ZMYND8: variants seen among roughly 807,000 people sequenced by gnomAD.
ZMYND8 encodes the protein zinc finger MYND-type containing 8.
Under a neutral mutation model 140.8 loss-of-function variants are expected in ZMYND8, and 37 were observed. The observed-to-expected ratio is 0.26, with a 90% confidence interval of 0.20 to 0.35. The LOEUF is 0.35. Ranked by LOEUF, ZMYND8 falls within the 10% of genes least tolerant of loss-of-function variation. ZMYND8 has a pLI of 1.00. For missense variants in ZMYND8, 1,068 were observed against 1,570.0 expected (o/e 0.68, Z 5.40); for synonymous variants, 592 against 597.1 (o/e 0.99, Z 0.12).
chr20:47,265,535 G>A lies in ZMYND8; in HGVS notation c.1481-3107C>T, dbSNP rs557933417. ...AGCTCACTGCAACCTCTGCCTGCCA[G>A]GTTCAAGCAATTCTCCTGCCTCAGT... On this transcript the variant is annotated intron_variant, in intron 11 of 22. Transcript: ENST00000471951. Among the ~76,000 whole-genome samples, 25 of 152,324 alleles carry A rather than the reference G, an allele frequency of 1.6e-4. No homozygotes were observed. In the East Asian group the frequency reaches 4.8e-3, roughly 29 times the overall value.
At chr20:47,290,329 A>G in intron 6 of ZMYND8, 55 bp from the exon 7 acceptor site, 3 of 1,509,548 alleles carry the variant, frequency 2.0e-6, no homozygotes, top group East Asian at 2.3e-5. Flanking sequence ...AGCCACAGTC[A>G]GTGACTCTTG....
chr20:47,316,301 A>T (rs1427350402), intron 2 of ZMYND8, among the ~76,000 whole-genome samples: 2 of 150,990 alleles, frequency 1.3e-5, no homozygotes, highest in Admixed American at 6.6e-5. Context: ...ATTGTACTCC[A>T]GCCTGGGCAA....
intron 12 of ZMYND8, among the ~76,000 whole-genome samples, chr20:47,255,742 A>G (rs975528676): frequency 0.23 from 12,772 of 55,692 alleles, 1,350 homozygotes; most frequent in South Asian, 0.37. Flanking sequence ...ATATATATAT[A>G]TATATATATA....
chr20:47,232,908 T>TTG (rs2038722375), intron 16 of ZMYND8, among the ~76,000 whole-genome samples: 2 of 26,588 alleles, frequency 7.5e-5, no homozygotes, highest in South Asian at 7.1e-4. Context: ...TTTTTTTTGT[T>TTG]TTTTTTTTTT....
rs2077805888 is a variant in ZMYND8, at chr20:47,298,679, G to C, written c.453+50C>G. On this transcript the variant is annotated intron_variant, in intron 4 of 22. Coordinates refer to ENST00000471951, the MANE Select transcript of ZMYND8 (RefSeq NM_001281775.3). This position sits in a 1 kb window ranked among gnomAD's most constrained non-coding sequence, Gnocchi z 5.0. ...AATTTAAAAATAAAAGGAAGAAAGAGAAAGGAGAGGAAACGAGGCAGGTAA... is the reference window on the plus strand; with the variant it reads ...AATTTAAAAATAAAAGGAAGAAAGACAAAGGAGAGGAAACGAGGCAGGTAA... The C allele has an allele frequency of 1.9e-6, 3 of 1,565,142 alleles. No homozygotes were observed. The East Asian group carries it at 7.1e-5, about 37-fold the overall frequency.
At chr20:47,243,328 A>C (rs1260432159) in intron 14 of ZMYND8, among the ~76,000 whole-genome samples, 1 of 152,228 alleles carries the variant, frequency 6.6e-6, no homozygotes, top group African/African-American at 2.4e-5. Flanking sequence ...TCAGCTCTGA[A>C]TTTAAGATCA....
intron 16 of ZMYND8, among the ~76,000 whole-genome samples, chr20:47,235,474 G>T (rs187597808): frequency 6.6e-6 from 1 of 152,102 alleles, no homozygotes; most frequent in African/African-American, 2.4e-5. Flanking sequence ...AGAGGCCGAG[G>T]TGGGTGGATC....
intron 11 of ZMYND8, among the ~76,000 whole-genome samples, chr20:47,270,373 CAAA>C (rs10659368): frequency 4.3e-5 from 2 of 46,468 alleles, no homozygotes; most frequent in Admixed American, 2.4e-4. Context: ...AACTCCATCT[CAAA>C]AAAAAAAAAA....
chr20:47,286,933 G>T (rs963237577), intron 8 of ZMYND8, among the ~76,000 whole-genome samples: 2 of 152,144 alleles, frequency 1.3e-5, no homozygotes, highest in Admixed American at 6.5e-5. Context: ...CAGAAATTAC[G>T]AATTCTATCT....
Position 47,298,707 on chromosome 20 carries a change from C to G in ZMYND8, c.453+22G>C, listed in dbSNP as rs2077809330. ...AGGAGAGGAAACGAGGCAGGTAATG[C>G]ATTCATTCATCAGGAACTAACCTCA... On this transcript the variant is annotated intron_variant, in intron 4 of 22. Coordinates refer to ENST00000471951, the MANE Select transcript of ZMYND8 (RefSeq NM_001281775.3). The surrounding 1 kb of genome is among the most constrained non-coding windows in gnomAD (Gnocchi z 5.0). 1 of 1,604,284 alleles carries G rather than the reference C, an allele frequency of 6.2e-7. No homozygotes were observed. The highest frequency in any genetic ancestry group is 2.2e-5 in the East Asian group (1 of 44,502).
chr20:47,278,593 T>A (rs562263779), intron 10 of ZMYND8, among the ~76,000 whole-genome samples: 1 of 151,698 alleles, frequency 6.6e-6, no homozygotes, highest in Non-Finnish European at 1.5e-5. Flanking sequence ...GAATTCACAA[T>A]ACAGGCGGAT....
At chr20:47,317,699 C>CACAT (rs2079523394) in intron 2 of ZMYND8, among the ~76,000 whole-genome samples, 1 of 152,182 alleles carries the variant, frequency 6.6e-6, no homozygotes, top group African/African-American at 2.4e-5. Context: ...CAAACCAGGA[C>CACAT]ACATAGGTCA....
At chr20:47,218,756 T>C (rs1032463454) in intron 21 of ZMYND8, among the ~76,000 whole-genome samples, 1 of 152,140 alleles carries the variant, frequency 6.6e-6, no homozygotes, top group Non-Finnish European at 1.5e-5. Flanking sequence ...GCCAAGTTCA[T>C]ATCCTCCCTC....
intron 14 of ZMYND8, among the ~76,000 whole-genome samples, chr20:47,241,892 A>C (rs1568966428): frequency 6.9e-6 from 1 of 144,288 alleles, no homozygotes; most frequent in Non-Finnish European, 1.5e-5. Context: ...ATCTCGGCTC[A>C]CTGCAAGCTC....
At chr20:47,247,561 C>A (rs1329966934) in intron 13 of ZMYND8, among the ~76,000 whole-genome samples, 1 of 151,716 alleles carries the variant, frequency 6.6e-6, no homozygotes. Context: ...ACGGCTCCTG[C>A]CCCCAACCAT....
At chr20:47,327,346 T>A (rs1279335850) in intron 2 of ZMYND8, among the ~76,000 whole-genome samples, 2 of 151,048 alleles carry the variant, frequency 1.3e-5, no homozygotes, top group African/African-American at 4.9e-5. Flanking sequence ...CATTCACAGA[T>A]GAAACAAGGG....
intron 17 of ZMYND8, among the ~76,000 whole-genome samples, chr20:47,227,564 G>A (rs1283535650): frequency 6.6e-6 from 1 of 152,078 alleles, no homozygotes; most frequent in Admixed American, 6.6e-5. Flanking sequence ...ATATATTAAG[G>A]GTTATTTAGG....
At chr20:47,339,555 C>T (rs1460483286) in intron 2 of ZMYND8, among the ~76,000 whole-genome samples, 4 of 152,166 alleles carry the variant, frequency 2.6e-5, no homozygotes, top group South Asian at 2.1e-4. Flanking sequence ...CTGCTCACTG[C>T]AAGCTCCGCC....
intron 2 of ZMYND8, among the ~76,000 whole-genome samples, chr20:47,331,099 G>T (rs918961483): frequency 2.6e-5 from 4 of 152,198 alleles, no homozygotes; most frequent in African/African-American, 9.7e-5. Context: ...AACACGGAGA[G>T]AATGGAACAC....
Sources: gnomAD v4.1 joint callset for allele counts (sites outside exome capture counted in the v4.1 genomes callset) on GRCh38, gnomAD v4.1.1 for gene constraint, Gnocchi (gnomAD v3.1) non-coding constraint, MANE v1.5 for transcripts, NCBI Gene and HGNC (gene_info 2026-07-23, HGNC 2026-07-21) for gene names.